Variants in ZFP90 observed in about 807,000 individuals in gnomAD.
ZFP90 encodes the protein zinc finger protein 90 homolog.
In ZFP90, 38 loss-of-function variants were observed where a neutral mutation model predicts 60.8. The observed-to-expected ratio is 0.62, with a 90% CI of 0.48 to 0.82. The LOEUF is 0.82. Ranked by LOEUF, ZFP90 falls within the 40% of genes least tolerant of loss-of-function variation. The probability of loss-of-function intolerance (pLI) is 0.00; values close to 1 mark genes in which losing one functional copy is unlikely to be tolerated. For missense variants in ZFP90, 711 were observed against 759.1 expected, an observed-to-expected ratio of 0.94 and a Z score of 0.74; for synonymous variants, 287 against 264.8, an observed-to-expected ratio of 1.08 and a Z score of -0.82.
At chr16:68,570,051 C>T (rs993878121), downstream of ZFP90, among the ~76,000 whole-genome samples, 1 of 150,152 alleles carries the variant, frequency 6.7e-6, no homozygotes, top group Non-Finnish European at 1.5e-5. Flanking sequence ...TGTGTGTATA[C>T]GTGTGTGTGT....
chr16:68,554,118 T>G (rs530541886), intron 2 of ZFP90, among the ~76,000 whole-genome samples: 189 of 86,618 alleles, frequency 2.2e-3, no homozygotes, highest in Middle Eastern at 0.019. Flanking sequence ...GGGTTGTGTT[T>G]TGTTTTGTTT....
intron 2 of ZFP90, among the ~76,000 whole-genome samples, chr16:68,575,260 G>T (rs540407465): frequency 6.6e-6 from 1 of 152,294 alleles, no homozygotes; most frequent in African/African-American, 2.4e-5. Flanking sequence ...TCTGTGGCTG[G>T]GACAGGCGTG....
intron 4 of ZFP90, among the ~76,000 whole-genome samples, chr16:68,559,086 C>T (rs2091393627): frequency 6.6e-6 from 1 of 152,132 alleles, no homozygotes. Context: ...CTCCCAGTTC[C>T]TCGCTTGTTA....
At chr16:68,548,471 CTCCTTTTTT>C (rs1567399294) in intron 2 of ZFP90, among the ~76,000 whole-genome samples, 2 of 88,458 alleles carry the variant, frequency 2.3e-5, no homozygotes, top group African/African-American at 4.5e-5. Context: ...TCTGTTTATC[CTCCTTTTTT>C]TTTTTTTTTT....
At position 68,566,923 on chromosome 16, in the gene ZFP90, C is replaced by G. The variant is rs1471537612; in HGVS notation, c.*2225C>G. 1.0e-6 allele frequency: 1 copy of G among 985,452 alleles called. No individual in the cohort carries two copies. Among genetic ancestry groups the G allele is most frequent in the Non-Finnish European group, 1.2e-6 (1 of 829,958 alleles). The allele number at this position is 985,452 out of a possible 1,614,324, so 61.0% of individuals were successfully genotyped here. A position where few individuals can be genotyped will look rare whatever the true frequency, so the allele number is the denominator to read the frequency against. On this transcript the variant is annotated 3_prime_UTR_variant, in exon 5 of 5. Transcript: ENST00000563169. ...GTACTGGTTTGTGTTTGGTGCTTGG[C>G]CTAGATCCAGCCACCACTCTGAAAC...
intron 2 of ZFP90, chr16:68,557,169 G>T (rs1033519045): frequency 2.2e-6 from 1 of 454,182 alleles, no homozygotes; most frequent in East Asian, 7.0e-5. Flanking sequence ...TTGATCTTTT[G>T]TAGAGATGGG....
chr16:68,569,313 T>C (rs944592480), downstream of ZFP90, among the ~76,000 whole-genome samples: 1 of 151,910 alleles, frequency 6.6e-6, no homozygotes, highest in African/African-American at 2.4e-5. Context: ...TTTTTTGTAT[T>C]TTTAGTAGAG....
chr16:68,564,083 G>C lies in ZFP90; in HGVS notation c.1296G>C (p.Lys432Asn). ...GCAGTAACTACAGCATAGATTTCAA[G>C]CACAGCACATCTCTCACTCAAGATG... ...YQSSNYSIDF[K>N]HSTSLTQDES... is the part of the protein sequence containing the mutation. Residue 432 changes from lysine to asparagine, a missense_variant, in exon 5 of 5, where the codon AAG becomes AAC. By Grantham distance (94) the Lys-to-Asn change is moderately conservative. Coordinates refer to ENST00000563169, the MANE Select transcript of ZFP90 (RefSeq NM_001305203.2). 6.2e-7 allele frequency: 1 copy of C among 1,614,084 alleles called. No individual in the cohort carries two copies. The highest frequency in any genetic ancestry group is 8.5e-7 in the Non-Finnish European group (1 of 1,180,004).
intron 2 of ZFP90, among the ~76,000 whole-genome samples, chr16:68,573,019 A>G (rs2091575912): frequency 6.6e-6 from 1 of 152,226 alleles, no homozygotes; most frequent in Admixed American, 6.5e-5. Flanking sequence ...TCAGGATTTC[A>G]GTGGTTCCTG....
exon 3 of ZFP90, chr16:68,575,815 C>G: frequency 2.5e-6 from 1 of 398,298 alleles, no homozygotes; most frequent in Non-Finnish European, 4.4e-6. Flanking sequence ...CTGCCGCTGT[C>G]GCTACCATCT....
intron 4 of ZFP90, among the ~76,000 whole-genome samples, chr16:68,561,542 A>T (rs916062770): frequency 1.4e-4 from 22 of 152,346 alleles, no homozygotes; most frequent in Non-Finnish European, 2.9e-4. Flanking sequence ...CTCAGATTTA[A>T]TAATATGCCA....
At chr16:68,558,639 C>A in intron 4 of ZFP90, 71 bp downstream of exon 4, 2 of 1,387,224 alleles carry the variant, frequency 1.4e-6, no homozygotes, top group Non-Finnish European at 1.0e-6. Flanking sequence ...GGGAGATACC[C>A]TCCAGCAGCT....
chr16:68,545,892 T>A (rs1253811551), intron 2 of ZFP90, among the ~76,000 whole-genome samples: 1 of 149,966 alleles, frequency 6.7e-6, no homozygotes, highest in South Asian at 2.1e-4. Context: ...GTATATCTTA[T>A]GGCCGGGTAC....
chr16:68,565,961 TAA>T lies in ZFP90; in HGVS notation c.*1277_*1278del, dbSNP rs58312180. On this transcript the variant is annotated 3_prime_UTR_variant, in exon 5 of 5. Transcript: ENST00000563169. Reference sequence around the variant, plus strand: ...ACAACATGGTGAAACCCCATCTCTTTAAAAAAAAAAAAAAATCCAAAAATTAG... The same window carrying T: ...ACAACATGGTGAAACCCCATCTCTTTAAAAAAAAAAAAATCCAAAAATTAG... 8,514 of 578,856 alleles carry T rather than the reference TAA, an allele frequency of 0.015. 332 individuals are homozygous for T. Among genetic ancestry groups the T allele is most frequent in the African/African-American group, 0.13 (6,141 of 47,456 alleles). 35.9% of individuals were successfully genotyped at this position (578,856 alleles called of 1,614,324 possible).
chr16:68,543,588 G>A (rs552359824), intron 2 of ZFP90, among the ~76,000 whole-genome samples: 84 of 148,992 alleles, frequency 5.6e-4, no homozygotes, highest in Admixed American at 1.5e-3. Context: ...TTGAGACAGA[G>A]TCTTGCTCTG....
intron 3 of ZFP90, 47 bp from the exon 4 acceptor site, chr16:68,558,426 G>A: frequency 6.4e-7 from 1 of 1,563,266 alleles, no homozygotes; most frequent in South Asian, 1.1e-5. Flanking sequence ...AGGGTTCTTT[G>A]TCCACTTGCA....
chr16:68,566,708 T>C lies in ZFP90; in HGVS notation c.*2010T>C, dbSNP rs2091533768. The stretch of plus-strand genomic sequence containing the variant: ...TATTATCTGATACATAGTTTGACAA[T>C]GGGTAATTCTACTCAGACCCTCCCT... On this transcript the variant is annotated 3_prime_UTR_variant, in exon 5 of 5. Transcript: ENST00000563169. The C allele has an allele frequency of 1.0e-6, 1 of 985,488 alleles. No individual in the cohort carries two copies. 61.0% of individuals were successfully genotyped at this position (985,488 alleles called of 1,614,324 possible).
At chr16:68,558,212 C>T (rs1251580800) in intron 3 of ZFP90, 88 bp downstream of exon 3, 25 of 1,571,376 alleles carry the variant, frequency 1.6e-5, no homozygotes, top group Non-Finnish European at 2.1e-5. Flanking sequence ...GCTTAGGTAA[C>T]TGTGACCAGG....
upstream of ZFP90, among the ~76,000 whole-genome samples, chr16:68,535,082 A>C (rs926607959): frequency 2.0e-5 from 3 of 152,048 alleles, no homozygotes; most frequent in African/African-American, 7.2e-5. Flanking sequence ...CTGTGAGCTC[A>C]TATTTCTTGG....
Sources: allele counts gnomAD v4.1 joint callset (sites outside exome capture counted in the v4.1 genomes callset), GRCh38; gene constraint gnomAD v4.1.1; transcripts MANE v1.5; gene names NCBI Gene and HGNC (gene_info 2026-07-23, HGNC 2026-07-21).